The following MYO1E variants were observed in gnomAD, a reference collection of about 807,000 sequenced individuals.
The protein encoded by MYO1E is unconventional myosin-Ie.
MYO1E carries 68 observed loss-of-function variants against 151.1 expected under a neutral mutation model. The observed-to-expected ratio is 0.45, with a 90% CI of 0.37 to 0.55. The LOEUF (loss-of-function observed/expected upper bound fraction) is 0.55. Among genes scored for constraint, MYO1E ranks in the 20% least tolerant of loss-of-function variants. MYO1E has a pLI of 0.00. For missense variants in MYO1E, 1,363 were observed against 1,389.3 expected (o/e 0.98, Z 0.30); for synonymous variants, 601 against 501.7 (o/e 1.20, Z -2.64).
At chr15:59,184,666 C>T (rs1330476342) in intron 18 of MYO1E, among the ~76,000 whole-genome samples, 2 of 152,172 alleles carry the variant, frequency 1.3e-5, no homozygotes, top group Non-Finnish European at 2.9e-5. Flanking sequence ...CAGCCTGTAT[C>T]ACATTTTCTT....
intron 1 of MYO1E, among the ~76,000 whole-genome samples, chr15:59,367,040 G>A (rs1021484970): frequency 2.9e-5 from 4 of 140,034 alleles, no homozygotes; most frequent in African/African-American, 1.1e-4. Context: ...CTCAAACTTG[G>A]AAAACCATGA....
intron 14 of MYO1E, among the ~76,000 whole-genome samples, chr15:59,206,052 C>G (rs2079831638): frequency 6.6e-6 from 1 of 152,074 alleles, no homozygotes; most frequent in South Asian, 2.1e-4. Context: ...TTCCATAGCA[C>G]TAGGAAGTCC....
chr15:59,195,108 C>T (rs1338677759), intron 17 of MYO1E, among the ~76,000 whole-genome samples: 3 of 152,162 alleles, frequency 2.0e-5, no homozygotes, highest in Admixed American at 1.3e-4. Flanking sequence ...CTGTGGGTCC[C>T]GATCAGGGGC....
chr15:59,253,027 G>A (rs946168920), intron 4 of MYO1E, among the ~76,000 whole-genome samples: 10 of 152,178 alleles, frequency 6.6e-5, no homozygotes, highest in African/African-American at 2.4e-4. Flanking sequence ...ATGTCCAAAG[G>A]ACATAAGAGC....
intron 9 of MYO1E, among the ~76,000 whole-genome samples, chr15:59,220,279 TC>T (rs1352649641): frequency 1.3e-5 from 2 of 152,070 alleles, no homozygotes; most frequent in Non-Finnish European, 2.9e-5. Context: ...CAAAACCCCA[TC>T]TCTACTAAAA....
At chr15:59,309,825 A>G (rs528007309) in intron 1 of MYO1E, among the ~76,000 whole-genome samples, 1 of 152,328 alleles carries the variant, frequency 6.6e-6, no homozygotes, top group South Asian at 2.1e-4. Context: ...GGTAGAGACA[A>G]AGAGAAGCTT....
rs540789120 is a variant in MYO1E, at chr15:59,201,557, A to G, written c.1698+769T>C. On this transcript the variant is annotated intron_variant, in intron 16 of 27. Coordinates refer to ENST00000288235, the MANE Select transcript of MYO1E (RefSeq NM_004998.4). ...GTAGCTGGGATTACACTCACGTGCC[A>G]CCACGCCTGGCTAATTTTGTATTTT... is the stretch of plus-strand genomic sequence containing the variant. 3.6e-3 allele frequency among the ~76,000 whole-genome samples: 548 copies of G among 152,190 alleles called. 6 individuals carry two copies. Among genetic ancestry groups the G allele is most frequent in the African/African-American group, 0.012 (513 of 41,524 alleles).
At chr15:59,306,578 C>A (rs900878041) in intron 1 of MYO1E, among the ~76,000 whole-genome samples, 12 of 152,230 alleles carry the variant, frequency 7.9e-5, no homozygotes, top group Non-Finnish European at 1.3e-4. Flanking sequence ...GGTTGCTCCA[C>A]AGGTTGGCAA....
At chr15:59,271,329 T>C (rs2080287883) in intron 2 of MYO1E, among the ~76,000 whole-genome samples, 1 of 152,214 alleles carries the variant, frequency 6.6e-6, no homozygotes, top group African/African-American at 2.4e-5. Context: ...CTAAGATGTA[T>C]ATTACATCAG....
At chr15:59,219,656 T>G (rs575095917) in intron 9 of MYO1E, among the ~76,000 whole-genome samples, 2 of 152,358 alleles carry the variant, frequency 1.3e-5, no homozygotes, top group South Asian at 4.1e-4. Context: ...AGAAAGGACA[T>G]GTAAACAAAA....
chr15:59,152,472 C>T (rs1334059267), intron 26 of MYO1E, among the ~76,000 whole-genome samples: 1 of 152,140 alleles, frequency 6.6e-6, no homozygotes, highest in Non-Finnish European at 1.5e-5. Context: ...CAGAGCCACT[C>T]CACCATGGAG....
At chr15:59,275,952 C>A (rs2080316117) in intron 1 of MYO1E, among the ~76,000 whole-genome samples, 1 of 152,188 alleles carries the variant, frequency 6.6e-6, no homozygotes, top group African/African-American at 2.4e-5. Context: ...CACACAGCCG[C>A]TGAATGCCAG....
chr15:59,234,556 A>G (rs1319869191), intron 5 of MYO1E, among the ~76,000 whole-genome samples: 2 of 152,222 alleles, frequency 1.3e-5, no homozygotes, highest in Non-Finnish European at 2.9e-5. Flanking sequence ...ATGGTGGCTC[A>G]TGCCTGTAAT....
intron 1 of MYO1E, among the ~76,000 whole-genome samples, chr15:59,302,334 A>G (rs1247172796): frequency 1.3e-5 from 2 of 152,228 alleles, no homozygotes; most frequent in Non-Finnish European, 2.9e-5. Flanking sequence ...TTAACATGCC[A>G]TCTTGAAATG....
At chr15:59,248,948 A>C (rs2080147561) in intron 4 of MYO1E, among the ~76,000 whole-genome samples, 2 of 152,166 alleles carry the variant, frequency 1.3e-5, no homozygotes, top group Admixed American at 6.5e-5. Context: ...AATTCTGCCT[A>C]TGCAATAATG....
intron 21 of MYO1E, among the ~76,000 whole-genome samples, chr15:59,172,864 G>A (rs574908553): frequency 1.3e-5 from 2 of 152,354 alleles, no homozygotes; most frequent in Middle Eastern, 3.4e-3. Flanking sequence ...AAGCACCCCT[G>A]TGTGCATCCA....
chr15:59,324,980 G>T (rs1345679476), intron 1 of MYO1E, among the ~76,000 whole-genome samples: 5 of 145,040 alleles, frequency 3.4e-5, no homozygotes. Flanking sequence ...TTTGACTGAA[G>T]AACTATCTTC....
intron 14 of MYO1E, 34 bp from the exon 15 acceptor site, chr15:59,205,519 G>GAACAAAATGTAATTTCATTT: frequency 6.5e-7 from 1 of 1,547,220 alleles, no homozygotes; most frequent in Non-Finnish European, 8.9e-7. Flanking sequence ...GAATTTCATT[G>GAACAAAATGTAATTTCATTT]AACAAAATGT....
intron 4 of MYO1E, among the ~76,000 whole-genome samples, chr15:59,245,328 A>T (rs1416407409): frequency 6.6e-6 from 1 of 152,228 alleles, no homozygotes; most frequent in African/African-American, 2.4e-5. Flanking sequence ...TTACTACTGC[A>T]AAAATTACAT....
Sources: allele counts gnomAD v4.1 joint callset (sites outside exome capture counted in the v4.1 genomes callset), GRCh38; gene constraint gnomAD v4.1.1; transcripts MANE v1.5; gene names NCBI Gene and HGNC (gene_info 2026-07-23, HGNC 2026-07-21).